Variants in GRID2 observed in about 807,000 individuals in gnomAD.
GRID2 encodes the protein glutamate ionotropic receptor delta type subunit 2, also known as glutamate receptor ionotropic, delta-2.
A neutral mutation model predicts 114.8 loss-of-function variants in GRID2; 33 were observed. The ratio of observed to expected loss-of-function variants is 0.29; its 90% confidence interval spans 0.22 to 0.38. GRID2 has a LOEUF of 0.38. GRID2 is among the 10% of genes least tolerant of loss of function. GRID2 has a pLI of 1.00. For synonymous variants in GRID2, 505 were observed against 449.9 expected (o/e 1.12, Z -1.55); for missense variants, 1,184 against 1,257.7 (o/e 0.94, Z 0.89).
intron 4 of GRID2, among the ~76,000 whole-genome samples, chr4:93,172,578 C>T (rs572522445): frequency 5.6e-4 from 84 of 150,214 alleles, no homozygotes; most frequent in African/African-American, 2.0e-3. Flanking sequence ...GGCGACAGGG[C>T]GAGACTCCAT....
At chr4:93,692,688 A>G (rs964402865) in intron 14 of GRID2, among the ~76,000 whole-genome samples, 4 of 152,196 alleles carry the variant, frequency 2.6e-5, no homozygotes, top group African/African-American at 9.6e-5. Flanking sequence ...GACAGGTTCT[A>G]TCCCTCCTTT....
chr4:92,632,051 A>G (rs1450773715), intron 2 of GRID2, among the ~76,000 whole-genome samples: 1 of 152,138 alleles, frequency 6.6e-6, no homozygotes, highest in Non-Finnish European at 1.5e-5. Context: ...TGTTCTGTCT[A>G]AAATATATTT....
intron 8 of GRID2, among the ~76,000 whole-genome samples, chr4:93,286,695 GTGT>G (rs1561087062): frequency 2.4e-3 from 323 of 137,026 alleles, no homozygotes; most frequent in Middle Eastern, 7.1e-3. Flanking sequence ...GTGTGTGGGG[GTGT>G]GTGTGTGTGT....
In GRID2 at chr4:92,442,577, C is replaced by T. The variant is rs552697861; in HGVS notation, c.88+137833C>T. ...TTTCTATTATTGTACACCTTGAAGG[C>T]GAGGTTAATTAAATCCTGTTGTGGG... On this transcript the variant is annotated intron_variant, in intron 1 of 15. Coordinates refer to ENST00000282020, the MANE Select transcript of GRID2 (RefSeq NM_001510.4). Among the ~76,000 whole-genome samples the T allele has an allele frequency of 9.7e-4, 148 of 151,910 alleles. 1 individual carries two copies. The highest frequency in any genetic ancestry group is 1.5e-3 in the Non-Finnish European group (105 of 67,960).
chr4:92,341,309 T>A (rs1727476792), intron 1 of GRID2, among the ~76,000 whole-genome samples: 1 of 152,152 alleles, frequency 6.6e-6, no homozygotes, highest in Non-Finnish European at 1.5e-5. Flanking sequence ...CCCTGTATGG[T>A]CCAATGTGTC....
chr4:92,708,606 A>G (rs1467244657), intron 2 of GRID2, among the ~76,000 whole-genome samples: 3 of 152,214 alleles, frequency 2.0e-5, no homozygotes, highest in Non-Finnish European at 2.9e-5. Flanking sequence ...GTGACAGATT[A>G]TCACCATATT....
chr4:92,795,738 GTTAAT>G (rs1478906180), intron 2 of GRID2, among the ~76,000 whole-genome samples: 4 of 151,928 alleles, frequency 2.6e-5, no homozygotes, highest in African/African-American at 9.7e-5. Flanking sequence ...ATTGTCTATT[GTTAAT>G]TTGATTTCTG....
intron 3 of GRID2, among the ~76,000 whole-genome samples, chr4:93,095,162 CAT>C (rs1278068456): frequency 3.3e-5 from 5 of 151,904 alleles, no homozygotes; most frequent in East Asian, 3.9e-4. Flanking sequence ...TTCTGGGACA[CAT>C]GTGCAGAATG....
chr4:92,952,667 G>A lies in GRID2; in HGVS notation c.245-132328G>A, dbSNP rs185689639. ...ACATAACTGAATTGCCTAACTCAAA[G>A]TTTAATCCAATTTTTGAATAAGTCA... is the stretch of plus-strand genomic sequence containing the variant. On this transcript the variant is annotated intron_variant, in intron 2 of 15. Coordinates refer to ENST00000282020, the MANE Select transcript of GRID2 (RefSeq NM_001510.4). 1.2e-3 allele frequency among the ~76,000 whole-genome samples: 189 copies of A among 152,278 alleles called. 1 individual carries two copies. Among genetic ancestry groups the A allele is most frequent in the African/African-American group, 4.2e-3 (175 of 41,578 alleles).
intron 1 of GRID2, among the ~76,000 whole-genome samples, chr4:92,411,498 C>G (rs947276373): frequency 6.6e-5 from 10 of 151,186 alleles, no homozygotes; most frequent in African/African-American, 2.4e-4. Context: ...AATATTTAAC[C>G]ACCTTTTCCT....
intron 1 of GRID2, among the ~76,000 whole-genome samples, chr4:92,430,179 C>G (rs576822540): frequency 2.3e-4 from 35 of 152,214 alleles, no homozygotes; most frequent in Non-Finnish European, 4.6e-4. Flanking sequence ...AATTTTTGCA[C>G]AGACCAATGT....
chr4:93,124,260 T>A (rs1288442665), intron 4 of GRID2, among the ~76,000 whole-genome samples: 1 of 152,162 alleles, frequency 6.6e-6, no homozygotes, highest in Admixed American at 6.5e-5. Flanking sequence ...ATTCATCAGA[T>A]TTAATTAAAA....
At chr4:92,657,472 A>G (rs1732300842) in intron 2 of GRID2, among the ~76,000 whole-genome samples, 1 of 151,704 alleles carries the variant, frequency 6.6e-6, no homozygotes, top group South Asian at 2.1e-4. Context: ...ATAGCGTCCT[A>G]GATCATTTTA....
intron 8 of GRID2, among the ~76,000 whole-genome samples, chr4:93,284,357 G>A (rs1394194126): frequency 6.6e-6 from 1 of 152,024 alleles, no homozygotes; most frequent in Non-Finnish European, 1.5e-5. Flanking sequence ...ACACATTGGA[G>A]GGTGCAGGAT....
chr4:92,357,764 T>G (rs1728400884), intron 1 of GRID2, among the ~76,000 whole-genome samples: 1 of 151,864 alleles, frequency 6.6e-6, no homozygotes, highest in Non-Finnish European at 1.5e-5. Context: ...AGTCACAGTA[T>G]TTTAAAATAT....
In GRID2 at chr4:92,652,299, G is replaced by A. The variant is rs1222351522; in HGVS notation, c.244+62013G>A. On this transcript the variant is annotated intron_variant, in intron 2 of 15. Coordinates refer to ENST00000282020, the MANE Select transcript of GRID2 (RefSeq NM_001510.4). ...AGAAACTCCCATATATTCACAGACA[G>A]AAATAATGTTTTACCAGCCACCTGG... Among the ~76,000 whole-genome samples, 3 of 152,032 alleles carry A rather than the reference G, an allele frequency of 2.0e-5. No homozygotes were observed. The East Asian group carries it at 5.8e-4, about 29-fold the overall frequency.
At chr4:92,398,100 A>G (rs142205677) in intron 1 of GRID2, among the ~76,000 whole-genome samples, 2,361 of 152,292 alleles carry the variant, frequency 0.016, 25 homozygotes, top group Non-Finnish European at 0.025. Flanking sequence ...GCTATTTGAC[A>G]TGGCAAATTT....
chr4:92,710,656 T>C (rs1171101403), intron 2 of GRID2, among the ~76,000 whole-genome samples: 1 of 152,192 alleles, frequency 6.6e-6, no homozygotes, highest in African/African-American at 2.4e-5. Flanking sequence ...TATTACTCTT[T>C]ATTTCCTTGA....
At chr4:93,402,094 A>C (rs567815017) in intron 9 of GRID2, among the ~76,000 whole-genome samples, 47 of 152,228 alleles carry the variant, frequency 3.1e-4, no homozygotes, top group Non-Finnish European at 6.2e-4. Context: ...CAAAGGAATA[A>C]ATAATATATA....
Sources: allele counts gnomAD v4.1 joint callset (sites outside exome capture counted in the v4.1 genomes callset), GRCh38; gene constraint gnomAD v4.1.1; transcripts MANE v1.5; gene names NCBI Gene and HGNC (gene_info 2026-07-23, HGNC 2026-07-21).